MEF2C: variants seen among roughly 807,000 people sequenced by gnomAD.
MEF2C encodes the protein myocyte enhancer factor 2C, also known as myocyte-specific enhancer factor 2C.
Under a neutral mutation model 50.5 loss-of-function variants are expected in MEF2C, and 6 were observed. The ratio of observed to expected loss-of-function variants is 0.12; its 90% CI spans 0.07 to 0.23. MEF2C has a LOEUF of 0.23. MEF2C is among the 10% of genes least tolerant of loss of function. The pLI is 1.00. For missense variants in MEF2C, 276 were observed against 605.0 expected, an observed-to-expected ratio of 0.46 and a Z score of 5.70; for synonymous variants, 183 against 228.0, an observed-to-expected ratio of 0.80 and a Z score of 1.78.
intron 6 of MEF2C, chr5:88,743,270 A>C: frequency 3.0e-6 from 3 of 985,156 alleles, no homozygotes; most frequent in Non-Finnish European, 3.6e-6. Flanking sequence ...AAAAAATGCA[A>C]ACTTGTTAAA....
At chr5:88,768,841 A>T (rs1781133672) in intron 3 of MEF2C, among the ~76,000 whole-genome samples, 1 of 152,200 alleles carries the variant, frequency 6.6e-6, no homozygotes, top group South Asian at 2.1e-4. Context: ...TACTTTTTGA[A>T]ATGTACAGTT....
chr5:88,755,644 A>G (rs1774949223), intron 4 of MEF2C, among the ~76,000 whole-genome samples: 1 of 152,216 alleles, frequency 6.6e-6, no homozygotes. Context: ...TAGAGTTTGT[A>G]TTTAAAGCCA....
At chr5:88,727,451 A>G (rs1759368524) in intron 10 of MEF2C, among the ~76,000 whole-genome samples, 1 of 152,040 alleles carries the variant, frequency 6.6e-6, no homozygotes, top group Non-Finnish European at 1.5e-5. Context: ...GGGTGGGGGG[A>G]GAGAGGGCAC....
chr5:88,740,233 C>CAT (rs71613092), intron 6 of MEF2C: 4 of 965,312 alleles, frequency 4.1e-6, no homozygotes, highest in South Asian at 9.7e-5. Context: ...AGCGATTTTG[C>CAT]GTGTGTGTGT....
chr5:88,845,809 C>A (rs1407272323), intron 1 of MEF2C, among the ~76,000 whole-genome samples: 1 of 152,130 alleles, frequency 6.6e-6, no homozygotes, highest in African/African-American at 2.4e-5. Flanking sequence ...CAGCTCACTG[C>A]AACCTCCACC....
intron 1 of MEF2C, among the ~76,000 whole-genome samples, chr5:88,892,474 A>G (rs183024067): frequency 1.5e-4 from 23 of 152,326 alleles, no homozygotes; most frequent in African/African-American, 5.1e-4. Context: ...AAGAATTTCC[A>G]CTTCTATACC....
chr5:88,737,324 C>A (rs943668123), intron 6 of MEF2C: 20 of 985,256 alleles, frequency 2.0e-5, no homozygotes, highest in Middle Eastern at 1.0e-3. Context: ...TAAGTGCCCA[C>A]CTACTAAATT....
intron 6 of MEF2C, chr5:88,733,563 A>G (rs772097187): frequency 4.1e-6 from 4 of 985,380 alleles, no homozygotes; most frequent in Non-Finnish European, 4.8e-6. Context: ...GGAACTGGGA[A>G]GGCAGAGCAA....
At chr5:88,896,501 A>T (rs1298996425) in intron 1 of MEF2C, among the ~76,000 whole-genome samples, 1 of 152,210 alleles carries the variant, frequency 6.6e-6, no homozygotes, top group Non-Finnish European at 1.5e-5. Flanking sequence ...GACAGAGGGC[A>T]AATTTCATTC....
intron 6 of MEF2C, chr5:88,738,018 C>T (rs1764839761): frequency 2.0e-6 from 2 of 985,198 alleles, no homozygotes; most frequent in South Asian, 4.7e-5. Flanking sequence ...CTCTAGAATA[C>T]ATGAGAAATG....
At chr5:88,731,596 GCT>G in intron 7 of MEF2C, 131 bp downstream of exon 7, 1 of 797,522 alleles carries the variant, frequency 1.3e-6, no homozygotes, top group South Asian at 1.6e-5. Context: ...TACAAGCAAG[GCT>G]CTGTCAATGG....
intron 2 of MEF2C, among the ~76,000 whole-genome samples, chr5:88,821,492 T>G (rs1474294981): frequency 1.3e-5 from 2 of 151,920 alleles, no homozygotes; most frequent in African/African-American, 2.4e-5. Context: ...CTTGAACTCC[T>G]GGGCTCCAGT....
intron 1 of MEF2C, among the ~76,000 whole-genome samples, chr5:88,861,098 T>C (rs768317783): frequency 1.1e-4 from 16 of 152,230 alleles, no homozygotes; most frequent in Non-Finnish European, 2.2e-4. Context: ...CTTAAGAAAT[T>C]AATTTATTTT....
intron 3 of MEF2C, among the ~76,000 whole-genome samples, chr5:88,781,134 T>C (rs1279162915): frequency 6.6e-6 from 1 of 152,178 alleles, no homozygotes; most frequent in African/African-American, 2.4e-5. Flanking sequence ...AGGACCTTAT[T>C]TCTGAAGAAT....
intron 1 of MEF2C, chr5:88,825,959 G>C (rs1410956633): frequency 6.6e-6 from 1 of 152,024 alleles, no homozygotes; most frequent in African/African-American, 2.4e-5. Context: ...TTAGAGTGTG[G>C]TGATAAGGCA....
chr5:88,741,929 T>C (rs764245832), intron 6 of MEF2C: 4 of 985,280 alleles, frequency 4.1e-6, no homozygotes, highest in Non-Finnish European at 4.8e-6. Flanking sequence ...TCCAAGGTTC[T>C]TGGTATAATA....
At chr5:88,881,676 C>A (rs1832877853) in intron 1 of MEF2C, among the ~76,000 whole-genome samples, 1 of 151,140 alleles carries the variant, frequency 6.6e-6, no homozygotes, top group South Asian at 2.1e-4. Context: ...AACATCTTTA[C>A]TCTGCAACCA....
At chr5:88,747,957 G>A (rs942156950) in intron 6 of MEF2C, 6 of 660,708 alleles carry the variant, frequency 9.1e-6, no homozygotes, top group Non-Finnish European at 1.1e-5. Context: ...AAAATACTAC[G>A]TGAGTTTACA....
At chr5:88,768,625 C>A in intron 3 of MEF2C, 6 of 946,882 alleles carry the variant, frequency 6.3e-6, no homozygotes, top group Non-Finnish European at 7.6e-6. Context: ...GTGGTCGGAA[C>A]TTACTAGATA....
Sources: allele counts gnomAD v4.1 joint callset (sites outside exome capture counted in the v4.1 genomes callset), GRCh38; gene constraint gnomAD v4.1.1; transcripts MANE v1.5; gene names NCBI Gene and HGNC (gene_info 2026-07-23, HGNC 2026-07-21).